Variants in WNK3 observed in about 807,000 individuals in gnomAD.
WNK3 encodes WNK lysine deficient protein kinase 3, also known as serine/threonine-protein kinase WNK3.
In WNK3, 18 loss-of-function variants were observed where a neutral mutation model predicts 116.7. The observed-to-expected ratio is 0.15, with a 90% confidence interval of 0.11 to 0.23. The LOEUF (loss-of-function observed/expected upper bound fraction) is 0.23, where lower values mean the gene tolerates loss of function less well. WNK3 is among the 10% of genes least tolerant of loss of function. WNK3 has a pLI of 1.00. For missense variants in WNK3, 993 were observed against 1,323.8 expected, an observed-to-expected ratio of 0.75 and a Z score of 3.88; for synonymous variants, 404 against 469.4, an observed-to-expected ratio of 0.86 and a Z score of 1.80.
intron 1 of WNK3, among the ~76,000 whole-genome samples, chrX:54,340,579 C>G (rs1310379752): frequency 9.1e-6 from 1 of 109,595 alleles, no homozygotes; most frequent in East Asian, 2.8e-4. Flanking sequence ...CCACTGCACT[C>G]CAGCCTTGGT....
chrX:54,208,666 G>A (rs782635410), intron 22 of WNK3, among the ~76,000 whole-genome samples: 2 of 112,105 alleles, frequency 1.8e-5, no homozygotes, highest in South Asian at 3.7e-4. Flanking sequence ...TGAGCCACAC[G>A]CCCAGCCTAA....
chrX:54,227,006 CAAAAG>C (rs1161358015), intron 22 of WNK3, among the ~76,000 whole-genome samples: 2 of 110,995 alleles, frequency 1.8e-5, no homozygotes, highest in Non-Finnish European at 3.8e-5. Context: ...GCACAAGTAA[CAAAAG>C]AAAAGAAACA....
intron 21 of WNK3, among the ~76,000 whole-genome samples, chrX:54,232,083 G>C (rs908013740): frequency 1.6e-4 from 17 of 104,363 alleles, no homozygotes; most frequent in African/African-American, 6.2e-4. Flanking sequence ...GTGTGTGTGT[G>C]TGTCTGTGTA....
At chrX:54,213,553 C>CAAAAAAAAAA (rs782580375) in intron 22 of WNK3, among the ~76,000 whole-genome samples, 7 of 14,265 alleles carry the variant, frequency 4.9e-4, no homozygotes, top group African/African-American at 1.7e-3. Context: ...GACTCCGTCT[C>CAAAAAAAAAA]AAAAAAAAAA....
chrX:54,205,740 T>G (rs2067547417), intron 22 of WNK3, among the ~76,000 whole-genome samples: 1 of 112,486 alleles, frequency 8.9e-6, no homozygotes, highest in Admixed American at 9.5e-5. Flanking sequence ...TGATTTCATT[T>G]AAAAGTTATT....
intron 21 of WNK3, among the ~76,000 whole-genome samples, chrX:54,229,077 C>CAAAT (rs1344394074): frequency 2.7e-5 from 3 of 111,463 alleles, no homozygotes; most frequent in Non-Finnish European, 5.7e-5. Context: ...ACTTCTAGAA[C>CAAAT]AAATATGTTT....
rs17002488 is a variant in WNK3, at chrX:54,279,276, G to C, written c.2037+13612C>G. Among the ~76,000 whole-genome samples, 331 of 109,880 alleles carry C rather than the reference G, an allele frequency of 3.0e-3. 3 individuals are homozygous for C. The highest frequency in any genetic ancestry group is 0.01 in the African/African-American group (312 of 30,458). On this transcript the variant is annotated intron_variant, in intron 10 of 23. Coordinates refer to ENST00000354646, the Ensembl canonical transcript of WNK3. ...AACTTTTTCTCTTCGTAATTTCTTG[G>C]AAAAGGCATATGTTTATATAAGGCA...
intron 22 of WNK3, among the ~76,000 whole-genome samples, chrX:54,209,515 C>CAGGGAAGG (rs2146727483): frequency 9.7e-6 from 1 of 103,373 alleles, no homozygotes; most frequent in African/African-American, 3.6e-5. Context: ...TAATTGTGGG[C>CAGGGAAGG]AGGGAAGGAT....
chrX:54,322,045 T>C (rs2069044490), intron 2 of WNK3, among the ~76,000 whole-genome samples: 1 of 107,186 alleles, frequency 9.3e-6, no homozygotes, highest in Admixed American at 1.0e-4. Context: ...AGGTAATAAA[T>C]CAAAAGGCAA....
intron 12 of WNK3, among the ~76,000 whole-genome samples, chrX:54,254,862 G>A (rs1272215340): frequency 9.0e-6 from 1 of 111,720 alleles, no homozygotes; most frequent in East Asian, 2.8e-4. Context: ...GGTTTAAGCA[G>A]CCAACTAAAA....
At chrX:54,212,184 C>G (rs903609392) in intron 22 of WNK3, among the ~76,000 whole-genome samples, 8 of 112,342 alleles carry the variant, frequency 7.1e-5, no homozygotes, top group Non-Finnish European at 1.3e-4. Context: ...GGAGATCACG[C>G]TACTGCACTC....
At chrX:54,298,977 T>C (rs1813827524) in intron 6 of WNK3, among the ~76,000 whole-genome samples, 1 of 112,344 alleles carries the variant, frequency 8.9e-6, no homozygotes, top group Admixed American at 9.5e-5. Flanking sequence ...CAAAGTCCAG[T>C]GGTTTTCGTA....
chrX:54,318,967 AG>A (rs2147207718), intron 2 of WNK3, among the ~76,000 whole-genome samples: 1 of 109,517 alleles, frequency 9.1e-6, no homozygotes, highest in South Asian at 4.0e-4. Context: ...TAGTAGAGAA[AG>A]GGTTTCGCCA....
In WNK3 at chrX:54,332,873, AAAAAAAG is replaced by A. The variant is rs1418444100; in HGVS notation, c.537+257_537+263del. ...GATCAAGATTCCGCCTCAAAAAAAA[AAAAAAAG>A]AAAAAAGAAAAAGAAAAACAAAGCC... On this transcript the variant is annotated intron_variant, in intron 2 of 23. Coordinates refer to ENST00000354646, the Ensembl canonical transcript of WNK3. 2.7e-5 allele frequency among the ~76,000 whole-genome samples: 3 copies of A among 110,065 alleles called. No individual in the cohort carries two copies. The East Asian group carries it at 8.4e-4, about 31-fold the overall frequency.
chrX:54,349,482 A>G (rs1374121149), intron 1 of WNK3, among the ~76,000 whole-genome samples: 1 of 112,179 alleles, frequency 8.9e-6, no homozygotes, highest in Admixed American at 9.6e-5. Flanking sequence ...ACTGAAATAC[A>G]CAAACTACAC....
intron 22 of WNK3, among the ~76,000 whole-genome samples, chrX:54,215,291 C>A (rs1391259264): frequency 9.0e-6 from 1 of 110,922 alleles, no homozygotes; most frequent in Non-Finnish European, 1.9e-5. Flanking sequence ...AACCTCCCTG[C>A]CTGATTCTCC....
chrX:54,354,067 C>T (rs1557178969), intron 1 of WNK3, among the ~76,000 whole-genome samples: 1 of 104,013 alleles, frequency 9.6e-6, no homozygotes. Context: ...GCCTGGGTGA[C>T]AGAGCAAAAC....
intron 10 of WNK3, among the ~76,000 whole-genome samples, chrX:54,284,020 G>A (rs2068551830): frequency 9.1e-6 from 1 of 110,415 alleles, no homozygotes; most frequent in Admixed American, 9.8e-5. Context: ...ACAGAAAGTA[G>A]TAACTACAAT....
exon 24 of WNK3, chrX:54,195,640 T>C (rs2067435781): frequency 9.0e-6 from 1 of 111,676 alleles, no homozygotes; most frequent in Non-Finnish European, 1.9e-5. Context: ...TCTCCATTTC[T>C]GCACAAGCTC....
Sources: allele counts gnomAD v4.1 joint callset (sites outside exome capture counted in the v4.1 genomes callset), GRCh38; gene constraint gnomAD v4.1.1; transcripts MANE v1.5; gene names NCBI Gene and HGNC (gene_info 2026-07-23, HGNC 2026-07-21).